The following RNF115 variants were observed in gnomAD, a reference collection of about 807,000 sequenced individuals.
The protein encoded by RNF115 is E3 ubiquitin-protein ligase RNF115.
A neutral mutation model predicts 39.2 loss-of-function variants in RNF115; 31 were observed. That is an observed-to-expected ratio of 0.79 (90% CI 0.59 to 1.07). The LOEUF (loss-of-function observed/expected upper bound fraction) is 1.07. Ranked by LOEUF, RNF115 falls within the 50% of genes least tolerant of loss-of-function variation. RNF115 has a pLI of 0.00. For synonymous variants in RNF115, 124 were observed against 131.0 expected, an observed-to-expected ratio of 0.95 and a Z score of 0.37; for missense variants, 384 against 381.7, an observed-to-expected ratio of 1.01 and a Z score of -0.05.
Position 145,814,542 on chromosome 1 carries a change from C to T in RNF115, c.102+9230G>A, listed in dbSNP as rs28565551. Reference sequence around the variant, plus strand: ...AGGATGCAGTGAGCCGAGATCGTGCCACTGCACTCCAGCCTGGGTGAAAGA... The same window carrying T: ...AGGATGCAGTGAGCCGAGATCGTGCTACTGCACTCCAGCCTGGGTGAAAGA... On this transcript the variant is annotated intron_variant, in intron 1 of 8. Coordinates refer to ENST00000582693, the MANE Select transcript of RNF115 (RefSeq NM_014455.4). Among the ~76,000 whole-genome samples, 56 of 151,758 alleles carry T rather than the reference C, an allele frequency of 3.7e-4. No homozygotes were observed. The South Asian group carries it at 7.9e-3, about 21-fold the overall frequency.
At chr1:145,785,239 C>T (rs1448684445) in intron 2 of RNF115, among the ~76,000 whole-genome samples, 3 of 152,094 alleles carry the variant, frequency 2.0e-5, no homozygotes, top group Non-Finnish European at 4.4e-5. Context: ...TTTGCCACAT[C>T]CATTTCAACC....
At chr1:145,776,154 T>A (rs1169512220) in intron 3 of RNF115, among the ~76,000 whole-genome samples, 2 of 149,856 alleles carry the variant, frequency 1.3e-5, no homozygotes, top group Non-Finnish European at 3.0e-5. Flanking sequence ...TTACCCCTAC[T>A]CTGACCAACA....
At chr1:145,765,416 T>TA (rs71226772) in intron 4 of RNF115, among the ~76,000 whole-genome samples, 41,603 of 134,678 alleles carry the variant, frequency 0.31, 6,582 homozygotes, top group Non-Finnish European at 0.39. Context: ...GAATGATCAA[T>TA]AAAAAAAAAA....
chr1:145,746,746 A>G lies in RNF115; in HGVS notation c.*120T>C, dbSNP rs1401552541. 1.1e-6 allele frequency: 1 copy of G among 943,688 alleles called. No homozygotes were observed. Among genetic ancestry groups the G allele is most frequent in the African/African-American group, 1.7e-5 (1 of 60,584 alleles). The allele number at this position is 943,688 out of a possible 1,614,324, so 58.5% of individuals were successfully genotyped here. ...AAGAAGAAAAACATTCATTGCATTT[A>G]TATTATGTGTTGAGTTTCTTACATA... On this transcript the variant is annotated 3_prime_UTR_variant, in exon 9 of 9. Coordinates refer to ENST00000582693, the MANE Select transcript of RNF115 (RefSeq NM_014455.4).
chr1:145,808,135 T>C (rs587669246), intron 1 of RNF115, among the ~76,000 whole-genome samples: 1 of 152,310 alleles, frequency 6.6e-6, no homozygotes, highest in African/African-American at 2.4e-5. Flanking sequence ...CTGCTGTGAA[T>C]AGTACTACAA....
intron 6 of RNF115, 34 bp from the exon 7 acceptor site, chr1:145,750,534 C>T: frequency 6.5e-7 from 1 of 1,535,952 alleles, no homozygotes; most frequent in South Asian, 1.1e-5. Context: ...GACGAAGTGG[C>T]AGACATCGCA....
Position 145,771,924 on chromosome 1 carries a change from T to C in RNF115, c.220-5A>G, listed in dbSNP as rs1553715840. On this transcript the variant is annotated splice_region_variant and splice_polypyrimidine_tract_variant and intron_variant, in intron 3 of 8. Transcript: ENST00000582693. ...GTGATCCAAATGGCCCCAAAGCTAGTAAAGACCAGAAATAAGTCACATGTT... is the reference window on the plus strand; with the variant it reads ...GTGATCCAAATGGCCCCAAAGCTAGCAAAGACCAGAAATAAGTCACATGTT... 1 of 1,610,480 alleles carries C rather than the reference T, an allele frequency of 6.2e-7. No homozygotes were observed. Among genetic ancestry groups the C allele is most frequent in the African/African-American group, 1.3e-5 (1 of 74,760 alleles).
intron 1 of RNF115, among the ~76,000 whole-genome samples, chr1:145,811,827 A>C (rs1553722634): frequency 1.2e-5 from 1 of 83,730 alleles, no homozygotes; most frequent in African/African-American, 3.9e-5. Flanking sequence ...CAGAGGATAC[A>C]GTGAGCCAAG....
chr1:145,788,855 G>A lies in RNF115; in HGVS notation c.161+53C>T, dbSNP rs1648509024. The stretch of plus-strand genomic sequence containing the variant: ...TCAACTTACTCAGTCCATGCTGAGA[G>A]AAAATAGTTTTGATAATAGAATGTC... On this transcript the variant is annotated intron_variant, in intron 2 of 8. Transcript: ENST00000582693. 1.3e-5 allele frequency: 17 copies of A among 1,283,872 alleles called. No individual in the cohort carries two copies. The Middle Eastern group carries it at 5.5e-4, about 42-fold the overall frequency. 79.5% of individuals were successfully genotyped at this position (1,283,872 alleles called of 1,614,324 possible).
chr1:145,808,589 A>G (rs1649561375), intron 1 of RNF115, among the ~76,000 whole-genome samples: 1 of 152,206 alleles, frequency 6.6e-6, no homozygotes, highest in Admixed American at 6.5e-5. Flanking sequence ...AATCAAGACT[A>G]GCAGTGAAAA....
At chr1:145,784,628 T>C (rs782755404) in intron 2 of RNF115, 32 bp from the exon 3 acceptor site, 8 of 1,604,130 alleles carry the variant, frequency 5.0e-6, no homozygotes, top group Non-Finnish European at 6.8e-6. Flanking sequence ...GGTGATTCTA[T>C]TCCCAGGAAC....
chr1:145,778,998 G>C (rs1476376279), intron 3 of RNF115, among the ~76,000 whole-genome samples: 1 of 152,064 alleles, frequency 6.6e-6, no homozygotes, highest in African/African-American at 2.4e-5. Flanking sequence ...CAATTCAGCT[G>C]AATAAAAATT....
In RNF115 at chr1:145,776,988, C is replaced by T. The variant is rs185575237; in HGVS notation, c.220-5069G>A. On this transcript the variant is annotated intron_variant, in intron 3 of 8. Transcript: ENST00000582693. ...GATCACTGGTTTCTAGTCTGAAAAACGGTCTAGAACACAAGAATTCTCTTG... is the reference window on the plus strand; with the variant it reads ...GATCACTGGTTTCTAGTCTGAAAAATGGTCTAGAACACAAGAATTCTCTTG... Among the ~76,000 whole-genome samples, 163 of 152,246 alleles carry T rather than the reference C, an allele frequency of 1.1e-3. 1 individual carries two copies. Among genetic ancestry groups the T allele is most frequent in the African/African-American group, 3.1e-3 (130 of 41,546 alleles).
rs35440164 is a variant in RNF115, at chr1:145,796,428, C to CT, written c.103-7463dup. Among the ~76,000 whole-genome samples, 23 of 146,580 alleles carry CT rather than the reference C, an allele frequency of 1.6e-4. 1 individual carries two copies. The highest frequency in any genetic ancestry group is 1.8e-4 in the Non-Finnish European group (12 of 66,436). On this transcript the variant is annotated intron_variant, in intron 1 of 8. Coordinates refer to ENST00000582693, the MANE Select transcript of RNF115 (RefSeq NM_014455.4). The stretch of plus-strand genomic sequence containing the variant: ...AATACATAAAAATTTCCCATCTTAA[C>CT]TTTTTTTTTTTTTTCTGAGACAGGG...
rs1553725003 is a variant in RNF115 at position 145,823,898 on chromosome 1, G to A, written c.-25C>T. The A allele has an allele frequency of 5.4e-6, 8 of 1,484,326 alleles. No individual in the cohort carries two copies. The South Asian group carries it at 8.8e-5, about 16-fold the overall frequency. The allele number at this position is 1,484,326 out of a possible 1,614,324, so 91.9% of individuals were successfully genotyped here. On this transcript the variant is annotated 5_prime_UTR_variant, in exon 1 of 9. Transcript: ENST00000582693. The stretch of plus-strand genomic sequence containing the variant: ...TTTTTGCCCTCCGCCGCGGCCGTCC[G>A]AGAGGGCAGCCGGCCCGTCCCTCGC...
At chr1:145,783,047 G>C (rs1406290031) in intron 3 of RNF115, among the ~76,000 whole-genome samples, 1 of 152,118 alleles carries the variant, frequency 6.6e-6, no homozygotes, top group African/African-American at 2.4e-5. Context: ...ATTTTTAGTA[G>C]AGATGGGGTT....
chr1:145,794,537 TCTCA>T (rs1277608727), intron 1 of RNF115, among the ~76,000 whole-genome samples: 3 of 120,856 alleles, frequency 2.5e-5, no homozygotes, highest in Non-Finnish European at 4.8e-5. Flanking sequence ...TGAGACAGAG[TCTCA>T]CTCTGACGCA....
At chr1:145,804,973 G>C (rs1282508690) in intron 1 of RNF115, among the ~76,000 whole-genome samples, 1 of 151,820 alleles carries the variant, frequency 6.6e-6, no homozygotes, top group Non-Finnish European at 1.5e-5. Context: ...CCATAAAGCA[G>C]TTCAATTTTC....
intron 4 of RNF115, among the ~76,000 whole-genome samples, chr1:145,767,943 G>C (rs587623005): frequency 4.8e-5 from 2 of 41,736 alleles, no homozygotes; most frequent in African/African-American, 4.6e-4. Context: ...GCTTCGGCTC[G>C]GCATCAGAGA....
Sources: gnomAD v4.1 joint callset for allele counts (sites outside exome capture counted in the v4.1 genomes callset) on GRCh38, gnomAD v4.1.1 for gene constraint, MANE v1.5 for transcripts, NCBI Gene and HGNC (gene_info 2026-07-23, HGNC 2026-07-21) for gene names.